SPATA17: variants seen among roughly 807,000 people sequenced by gnomAD.
SPATA17 encodes spermatogenesis associated 17, also known as spermatogenesis-associated protein 17.
In SPATA17, 53 loss-of-function variants were observed where a neutral mutation model predicts 62.2. The observed-to-expected ratio is 0.85, with a 90% CI of 0.68 to 1.07. SPATA17 has a LOEUF of 1.07. SPATA17 is among the 50% of genes least tolerant of loss of function. The pLI, the probability that SPATA17 is intolerant of heterozygous loss-of-function variation, is 0.00. For missense variants in SPATA17, 466 were observed against 425.5 expected (o/e 1.10, Z -0.84); for synonymous variants, 146 against 146.8 (o/e 0.99, Z 0.04).
chr1:217,870,192 A>T lies in SPATA17; in HGVS notation c.*3173A>T, dbSNP rs1004867981. On this transcript the variant is annotated 3_prime_UTR_variant, in exon 11 of 11. Transcript: ENST00000366933. ...ACCCAGGTATGAATGGCCTTCATTG[A>T]TTTTGTAGACCCTGACCTTCTCTGT... The T allele has an allele frequency of 6.6e-5, 10 of 152,222 alleles. 1 individual carries two copies. In the East Asian group the frequency reaches 9.7e-4, roughly 15 times the overall value. The allele number at this position is 152,222 out of a possible 1,614,324, so 9.4% of individuals were successfully genotyped here.
At chr1:217,802,597 T>C (rs1259491748) in intron 9 of SPATA17, among the ~76,000 whole-genome samples, 10 of 152,134 alleles carry the variant, frequency 6.6e-5, no homozygotes, top group Non-Finnish European at 1.2e-4. Flanking sequence ...GAGCAGGCTG[T>C]CTTGTATCTC....
At chr1:217,864,254 A>G (rs1257045554) in intron 10 of SPATA17, among the ~76,000 whole-genome samples, 1 of 152,178 alleles carries the variant, frequency 6.6e-6, no homozygotes, top group Non-Finnish European at 1.5e-5. Context: ...TCAGCTTTTA[A>G]CTCAAAGATA....
intron 6 of SPATA17, among the ~76,000 whole-genome samples, chr1:217,747,205 G>T (rs1381958234): frequency 6.6e-6 from 1 of 152,052 alleles, no homozygotes; most frequent in Non-Finnish European, 1.5e-5. Flanking sequence ...ATTTAATAAA[G>T]TTATTTATTT....
At chr1:217,685,178 C>A (rs1009006521) in intron 5 of SPATA17, among the ~76,000 whole-genome samples, 1 of 152,104 alleles carries the variant, frequency 6.6e-6, no homozygotes, top group Non-Finnish European at 1.5e-5. Flanking sequence ...GGGAGGTGCT[C>A]ACTCTCAGGG....
chr1:217,667,241 G>T lies in SPATA17; in HGVS notation c.241-1792G>T, dbSNP rs1670720468. On this transcript the variant is annotated intron_variant, in intron 3 of 10. Transcript: ENST00000366933. ...TTTTTGTAGTTTTAGTAGAGACGGG[G>T]TTTCACCATGTTGGCCAGGCTGGTC... Among the ~76,000 whole-genome samples the T allele has an allele frequency of 4.6e-5, 7 of 151,594 alleles. No homozygotes were observed. In the South Asian group the frequency reaches 1.5e-3, roughly 32 times the overall value.
intron 6 of SPATA17, among the ~76,000 whole-genome samples, chr1:217,762,385 A>T (rs750878435): frequency 2.6e-4 from 40 of 152,148 alleles, no homozygotes; most frequent in Non-Finnish European, 4.9e-4. Context: ...ACCTTCTCTG[A>T]CTTGGTTCCA....
At chr1:217,797,737 T>G (rs1284107645) in intron 8 of SPATA17, among the ~76,000 whole-genome samples, 2 of 151,872 alleles carry the variant, frequency 1.3e-5, no homozygotes, top group Non-Finnish European at 2.9e-5. Flanking sequence ...CTTTTAAACG[T>G]AGGTGTCTTT....
chr1:217,707,687 C>T (rs1200082256), intron 5 of SPATA17, among the ~76,000 whole-genome samples: 2 of 152,172 alleles, frequency 1.3e-5, no homozygotes, highest in Non-Finnish European at 2.9e-5. Context: ...GAACTTGACA[C>T]TTGACTAAAT....
intron 6 of SPATA17, among the ~76,000 whole-genome samples, chr1:217,750,470 G>A (rs1672879238): frequency 6.6e-6 from 1 of 152,122 alleles, no homozygotes; most frequent in Admixed American, 6.6e-5. Flanking sequence ...CAGAAGAAAT[G>A]TATCAGTTGT....
At chr1:217,856,260 A>C (rs1675783392) in intron 9 of SPATA17, among the ~76,000 whole-genome samples, 1 of 152,204 alleles carries the variant, frequency 6.6e-6, no homozygotes, top group Non-Finnish European at 1.5e-5. Flanking sequence ...ACACTTGTTA[A>C]GTACTTGCTA....
chr1:217,823,032 A>T (rs375750991), intron 9 of SPATA17, among the ~76,000 whole-genome samples: 78 of 151,762 alleles, frequency 5.1e-4, no homozygotes, highest in African/African-American at 1.7e-3. Flanking sequence ...TTTTGTTTTT[A>T]TCATTTTTTG....
chr1:217,769,784 T>C (rs1306383105), intron 6 of SPATA17, among the ~76,000 whole-genome samples: 1 of 152,216 alleles, frequency 6.6e-6, no homozygotes, highest in Non-Finnish European at 1.5e-5. Context: ...TCCTATTCCT[T>C]CTGGGGTACT....
At chr1:217,801,947 C>A in intron 9 of SPATA17, 97 bp downstream of exon 9, 1 of 1,223,758 alleles carries the variant, frequency 8.2e-7, no homozygotes, top group Non-Finnish European at 1.1e-6. Context: ...ACAATTAAGA[C>A]CTTTATGGTA....
chr1:217,708,538 T>C (rs1671787401), intron 5 of SPATA17, among the ~76,000 whole-genome samples: 2 of 151,734 alleles, frequency 1.3e-5, no homozygotes, highest in South Asian at 2.1e-4. Context: ...CAATAATGAG[T>C]TCCAAAGTTG....
intron 4 of SPATA17, among the ~76,000 whole-genome samples, chr1:217,673,591 G>A (rs181448359): frequency 5.3e-5 from 8 of 152,006 alleles, no homozygotes; most frequent in Admixed American, 1.3e-4. Context: ...TTATGCAAAC[G>A]CCATGAGCTG....
intron 2 of SPATA17, among the ~76,000 whole-genome samples, chr1:217,650,158 C>T (rs1488315273): frequency 6.6e-6 from 1 of 151,926 alleles, no homozygotes; most frequent in Non-Finnish European, 1.5e-5. Context: ...AGGCTGGTCT[C>T]GAACTCCCGA....
At chr1:217,714,782 G>A (rs1671964287) in intron 5 of SPATA17, among the ~76,000 whole-genome samples, 1 of 151,964 alleles carries the variant, frequency 6.6e-6, no homozygotes, top group Non-Finnish European at 1.5e-5. Context: ...ACCGCGCCCA[G>A]CCGGAAAACG....
intron 9 of SPATA17, among the ~76,000 whole-genome samples, chr1:217,826,723 TA>T (rs756105348): frequency 2.6e-5 from 4 of 152,124 alleles, no homozygotes; most frequent in Non-Finnish European, 5.9e-5. Flanking sequence ...AAGCAGTCAT[TA>T]AAATCACTAC....
chr1:217,670,859 G>A (rs1670815655), intron 4 of SPATA17, among the ~76,000 whole-genome samples: 1 of 150,864 alleles, frequency 6.6e-6, no homozygotes, highest in African/African-American at 2.4e-5. Flanking sequence ...GCTGAGGCAG[G>A]AGAATCCCTT....
Sources: allele counts gnomAD v4.1 joint callset (sites outside exome capture counted in the v4.1 genomes callset), GRCh38; gene constraint gnomAD v4.1.1; transcripts MANE v1.5; gene names NCBI Gene and HGNC (gene_info 2026-07-23, HGNC 2026-07-21).